SEMA3A: variants seen among roughly 807,000 people sequenced by gnomAD.
The protein encoded by SEMA3A is semaphorin 3A.
In SEMA3A, 29 loss-of-function variants were observed where a neutral mutation model predicts 97.9. The ratio of observed to expected loss-of-function variants is 0.30; its 90% CI spans 0.22 to 0.40. The LOEUF is 0.40. SEMA3A is among the 10% of genes least tolerant of loss of function. The pLI, the probability that SEMA3A is intolerant of heterozygous loss-of-function variation, is 1.00. For missense variants in SEMA3A, 763 were observed against 951.3 expected, an observed-to-expected ratio of 0.80 and a Z score of 2.60; for synonymous variants, 321 against 323.7, an observed-to-expected ratio of 0.99 and a Z score of 0.09.
chr7:84,317,715 G>T lies in SEMA3A; in HGVS notation c.-168-10423C>A, dbSNP rs1801542949. Among the ~76,000 whole-genome samples, 3 of 151,942 alleles carry T rather than the reference G, an allele frequency of 2.0e-5. 1 individual carries two copies. The highest frequency in any genetic ancestry group is 4.1e-4 in the South Asian group (2 of 4,824). On this transcript the variant is annotated intron_variant, in intron 2 of 3. Transcript: ENST00000424555. ...TCAACATATTTCATCAGCTATTGTG[G>T]TTGTTGAGTTGCCAATAAATTATTT...
intron 3 of SEMA3A, among the ~76,000 whole-genome samples, chr7:84,270,571 C>G (rs1800120063): frequency 6.9e-6 from 1 of 145,672 alleles, no homozygotes. Flanking sequence ...ATGAATAATT[C>G]ATATTCATAA....
chr7:84,050,573 A>T (rs1485475121), intron 5 of SEMA3A, among the ~76,000 whole-genome samples: 2 of 151,690 alleles, frequency 1.3e-5, no homozygotes, highest in Non-Finnish European at 1.5e-5. Context: ...TTTTTCTTGT[A>T]AATTTGTTTG....
At chr7:84,056,418 A>G (rs773119341) in intron 5 of SEMA3A, among the ~76,000 whole-genome samples, 1 of 152,216 alleles carries the variant, frequency 6.6e-6, no homozygotes, top group Non-Finnish European at 1.5e-5. Flanking sequence ...GGTGGAAACA[A>G]AACCACATTT....
intron 1 of SEMA3A, among the ~76,000 whole-genome samples, chr7:84,403,777 C>T (rs1429618404): frequency 1.3e-5 from 2 of 152,148 alleles, no homozygotes; most frequent in African/African-American, 4.8e-5. Context: ...GATACCCAGG[C>T]AAACAGGGTC....
At chr7:84,310,626 A>G (rs1801290098) in intron 2 of SEMA3A, among the ~76,000 whole-genome samples, 1 of 152,096 alleles carries the variant, frequency 6.6e-6, no homozygotes, top group South Asian at 2.1e-4. Context: ...GATGTCTGCT[A>G]GTTCTTACGG....
rs1788464016 is a variant in SEMA3A, at chr7:83,961,408, C to T, written c.2279G>A (p.Arg760Lys). The T allele has an allele frequency of 6.2e-7, 1 of 1,614,048 alleles. No homozygotes were observed. The highest frequency in any genetic ancestry group is 1.1e-5 in the South Asian group (1 of 91,078). ...GGGTGCCCTCTCAAATTCGTGGGTCCTCCTGTTTCTACCTTTCTTATTTTC... is the reference window on the plus strand; with the variant it reads ...GGGTGCCCTCTCAAATTCGTGGGTCTTCCTGTTTCTACCTTTCTTATTTTC... The part of the protein sequence containing the change: ...LQENKKGRNR[R>K]THEFERAPRS... Residue 760 changes from arginine to lysine, a missense_variant, in exon 17 of 17, where the codon AGG becomes AAG. Physicochemically the swap from Arg to Lys is conservative, Grantham distance 26. This residue lies in a region of SEMA3A where 678 missense variants were observed against 881.3 expected (regional missense o/e 0.77). Coordinates refer to ENST00000265362, the MANE Select transcript of SEMA3A (RefSeq NM_006080.3).
At chr7:84,095,229 T>TTA (rs1206910715) in intron 4 of SEMA3A, among the ~76,000 whole-genome samples, 1 of 145,082 alleles carries the variant, frequency 6.9e-6, no homozygotes, top group Non-Finnish European at 1.5e-5. Context: ...ATATATTACA[T>TTA]TATATATAAA....
intron 1 of SEMA3A, among the ~76,000 whole-genome samples, chr7:84,413,353 T>C (rs1307115693): frequency 6.6e-6 from 1 of 151,994 alleles, no homozygotes; most frequent in African/African-American, 2.4e-5. Flanking sequence ...GCAGGCCGAG[T>C]GTGGTGCCTC....
At chr7:84,185,909 A>C (rs1210174627) in intron 1 of SEMA3A, among the ~76,000 whole-genome samples, 1 of 152,128 alleles carries the variant, frequency 6.6e-6, no homozygotes, top group Non-Finnish European at 1.5e-5. Context: ...AAAGAAATAG[A>C]GAAGCCCAAC....
chr7:84,478,112 A>C (rs528933195), intron 1 of SEMA3A, among the ~76,000 whole-genome samples: 1 of 152,294 alleles, frequency 6.6e-6, no homozygotes, highest in South Asian at 2.1e-4. Context: ...TTTAGTGGTA[A>C]GAGAGACCCT....
At chr7:84,407,169 A>AATC (rs1039647715) in intron 1 of SEMA3A, among the ~76,000 whole-genome samples, 1 of 152,162 alleles carries the variant, frequency 6.6e-6, no homozygotes, top group Admixed American at 6.5e-5. Flanking sequence ...CTCAGCCCAA[A>AATC]ATCTCCTTAA....
At chr7:84,153,870 G>A (rs985507494) in intron 1 of SEMA3A, among the ~76,000 whole-genome samples, 4 of 151,918 alleles carry the variant, frequency 2.6e-5, no homozygotes, top group African/African-American at 9.7e-5. Flanking sequence ...TGCATATTAA[G>A]AACAATTCAC....
intron 3 of SEMA3A, among the ~76,000 whole-genome samples, chr7:84,222,969 A>G (rs138110765): frequency 6.6e-6 from 1 of 152,016 alleles, no homozygotes; most frequent in Non-Finnish European, 1.5e-5. Flanking sequence ...CAGATTAAAC[A>G]AATTAAAATG....
intron 1 of SEMA3A, among the ~76,000 whole-genome samples, chr7:84,378,922 T>C (rs1562926155): frequency 6.6e-6 from 1 of 151,362 alleles, no homozygotes. Context: ...TTGTTGTTGT[T>C]GTTGTTTTGT....
At chr7:84,462,308 T>C (rs1805867216) in intron 1 of SEMA3A, among the ~76,000 whole-genome samples, 1 of 152,172 alleles carries the variant, frequency 6.6e-6, no homozygotes, top group Admixed American at 6.6e-5. Flanking sequence ...TATTTTATAG[T>C]ATAGCATATA....
At chr7:84,402,617 G>C (rs1803938014) in intron 1 of SEMA3A, among the ~76,000 whole-genome samples, 1 of 152,076 alleles carries the variant, frequency 6.6e-6, no homozygotes, top group Non-Finnish European at 1.5e-5. Flanking sequence ...GATGTATGAA[G>C]ATAATGTGGT....
chr7:84,464,580 T>C (rs557765020), intron 1 of SEMA3A, among the ~76,000 whole-genome samples: 1 of 152,328 alleles, frequency 6.6e-6, no homozygotes, highest in Non-Finnish European at 1.5e-5. Flanking sequence ...ATACATCACT[T>C]GGAACTTTAA....
At chr7:84,367,866 T>C (rs1381725185) in intron 2 of SEMA3A, among the ~76,000 whole-genome samples, 1 of 151,206 alleles carries the variant, frequency 6.6e-6, no homozygotes, top group Admixed American at 6.6e-5. Context: ...CTTAGTCAAA[T>C]CTACAATTCT....
chr7:84,457,915 G>C (rs1189897436), intron 1 of SEMA3A, among the ~76,000 whole-genome samples: 1 of 151,892 alleles, frequency 6.6e-6, no homozygotes, highest in Non-Finnish European at 1.5e-5. Context: ...CAAACAGATA[G>C]ATAAACAAAT....
Sources: allele counts gnomAD v4.1 joint callset (sites outside exome capture counted in the v4.1 genomes callset), GRCh38; gene constraint gnomAD v4.1.1; regional missense constraint gnomAD v4.1.1; transcripts MANE v1.5; gene names NCBI Gene and HGNC (gene_info 2026-07-23, HGNC 2026-07-21).